The following CNTRL variants were observed in gnomAD, a reference collection of about 807,000 sequenced individuals.
CNTRL encodes the protein centriolin, also known as 110 kDa centrosomal protein.
Under a neutral mutation model 303.7 loss-of-function variants are expected in CNTRL, and 233 were observed. The observed-to-expected ratio is 0.77, with a 90% CI of 0.69 to 0.86. The LOEUF is 0.86. Among genes scored for constraint, CNTRL ranks in the 40% least tolerant of loss-of-function variants. The probability of loss-of-function intolerance (pLI) is 0.00; values close to 1 mark genes in which losing one functional copy is unlikely to be tolerated. For synonymous variants in CNTRL, 900 were observed against 922.2 expected (o/e 0.98, Z 0.44); for missense variants, 2,524 against 2,650.6 (o/e 0.95, Z 1.05).
chr9:121,150,323 C>T lies in CNTRL; in HGVS notation c.3803C>T (p.Pro1268Leu), dbSNP rs758101080. The T allele has an allele frequency of 6.2e-7, 1 of 1,614,182 alleles. No homozygotes were observed. The highest frequency in any genetic ancestry group is 1.7e-5 in the Admixed American group (1 of 60,038). Residue 1268 changes from proline to leucine, a missense_variant, in exon 25 of 44, where the codon CCC (proline) becomes CTC (leucine). Physicochemically the swap from Pro to Leu is moderately conservative, Grantham distance 98 (BLOSUM62 -3). Coordinates refer to ENST00000373855, the MANE Select transcript of CNTRL (RefSeq NM_007018.6). ...ATGGCCCTGTATGCACCACCTCCTC[C>T]CTTGCCAAACAATAGCCGACCTCTC... ...QGMALYAPPP[P>L]LPNNSRPLTP...
rs1345614397 is a variant in CNTRL at position 121,080,441 on chromosome 9, G to C, written c.-69G>C. ...TCCTCTGGAGTAACTGGGACTGCAAGTATACATACCGTGCCTGACGAAATA... is the reference window on the plus strand; with the variant it reads ...TCCTCTGGAGTAACTGGGACTGCAACTATACATACCGTGCCTGACGAAATA... On this transcript the variant is annotated 5_prime_UTR_variant, in exon 2 of 44. Coordinates refer to ENST00000373855, the MANE Select transcript of CNTRL (RefSeq NM_007018.6). The C allele has an allele frequency of 6.6e-6, 1 of 152,190 alleles. No individual in the cohort carries two copies. The allele number at this position is 152,190 out of a possible 1,614,324, so 9.4% of individuals were successfully genotyped here.
At chr9:121,084,281 G>A (rs1191221260) in intron 2 of CNTRL, among the ~76,000 whole-genome samples, 1 of 152,120 alleles carries the variant, frequency 6.6e-6, no homozygotes, top group Non-Finnish European at 1.5e-5. Flanking sequence ...AAGAACAACT[G>A]TGTATCATGA....
intron 39 of CNTRL, 122 bp downstream of exon 39, chr9:121,169,938 G>A (rs2053238414): frequency 1.3e-6 from 1 of 789,244 alleles, no homozygotes; most frequent in African/African-American, 1.7e-5. Flanking sequence ...CCCAGCTGTT[G>A]TTATTGATGT....
chr9:121,098,354 A>G (rs1214776797), intron 6 of CNTRL, 32 bp from the exon 7 acceptor site: 2 of 1,433,004 alleles, frequency 1.4e-6, no homozygotes, highest in Non-Finnish European at 1.9e-6. Context: ...TTTAAATTAA[A>G]TTATACCAAT....
At position 121,159,031 on chromosome 9, in the gene CNTRL, A is replaced by G. The variant is rs2052725438; in HGVS notation, c.4929+12A>G. ...GCAATCACATTAGGGTGTGTTTTTT[A>G]TTAGGGTTTTCTGAAGAGTCGTAGG... On this transcript the variant is annotated intron_variant, in intron 31 of 43. Transcript: ENST00000373855. The G allele has an allele frequency of 6.2e-7, 1 of 1,612,406 alleles. No homozygotes were observed. Among genetic ancestry groups the G allele is most frequent in the Non-Finnish European group, 8.5e-7 (1 of 1,179,124 alleles).
At chr9:121,163,360 TTATATATAGGACCATAAACA>T (rs2052945936) in intron 34 of CNTRL, among the ~76,000 whole-genome samples, 1 of 149,236 alleles carries the variant, frequency 6.7e-6, no homozygotes, top group South Asian at 2.1e-4. Context: ...TATTTTATAT[TTATATATAGGACCATAAACA>T]TATATGTAAA....
intron 8 of CNTRL, among the ~76,000 whole-genome samples, chr9:121,110,484 A>G (rs2049698374): frequency 1.3e-5 from 2 of 152,092 alleles, no homozygotes; most frequent in East Asian, 1.9e-4. Context: ...TAACTCTCCA[A>G]GTGACGGTAT....
At chr9:121,108,036 A>C (rs777458505) in intron 8 of CNTRL, 41 bp downstream of exon 8, 1 of 1,376,346 alleles carries the variant, frequency 7.3e-7, no homozygotes, top group Non-Finnish European at 9.8e-7. Context: ...TATTCTCATA[A>C]GACAGATAAT....
intron 8 of CNTRL, among the ~76,000 whole-genome samples, chr9:121,108,470 C>T (rs1308755363): frequency 6.6e-6 from 1 of 152,104 alleles, no homozygotes; most frequent in Non-Finnish European, 1.5e-5. Context: ...ACTGTAGTTG[C>T]CTAGTTTTCT....
chr9:121,077,588 G>A (rs1261606401), intron 1 of CNTRL, among the ~76,000 whole-genome samples: 2 of 152,146 alleles, frequency 1.3e-5, no homozygotes, highest in African/African-American at 4.8e-5. Flanking sequence ...TTACTAATCA[G>A]GAGAGGTAAT....
intron 1 of CNTRL, among the ~76,000 whole-genome samples, chr9:121,077,947 G>C (rs1465712241): frequency 2.0e-5 from 3 of 150,956 alleles, no homozygotes; most frequent in Admixed American, 2.0e-4. Context: ...CCTTGCCTCA[G>C]GGGGGAAAAA....
chr9:121,158,804 G>T, intron 30 of CNTRL, 51 bp from the exon 31 acceptor site: 1 of 1,543,620 alleles, frequency 6.5e-7, no homozygotes, highest in South Asian at 1.1e-5. Flanking sequence ...GGTTAGCACT[G>T]AGGGCTGTAT....
chr9:121,133,314 T>C (rs985944060), intron 14 of CNTRL, among the ~76,000 whole-genome samples: 4 of 152,230 alleles, frequency 2.6e-5, no homozygotes, highest in Non-Finnish European at 5.9e-5. Flanking sequence ...TCGAGCTTCC[T>C]GGCTGCTGTG....
intron 1 of CNTRL, among the ~76,000 whole-genome samples, chr9:121,079,160 A>C (rs1010723704): frequency 4.6e-5 from 7 of 152,336 alleles, no homozygotes; most frequent in African/African-American, 1.7e-4. Context: ...GTATTTCATA[A>C]TATTAAAATT....
chr9:121,114,758 T>G (rs1453592942), intron 10 of CNTRL, among the ~76,000 whole-genome samples: 2 of 152,170 alleles, frequency 1.3e-5, no homozygotes, highest in African/African-American at 4.8e-5. Context: ...TAATTATAAC[T>G]TAGTAACATG....
intron 7 of CNTRL, among the ~76,000 whole-genome samples, chr9:121,100,623 TAAAG>T (rs2049113263): frequency 6.6e-6 from 1 of 152,096 alleles, no homozygotes; most frequent in Non-Finnish European, 1.5e-5. Context: ...GCAAATTGGA[TAAAG>T]AGTCAAGACC....
At chr9:121,108,856 A>C (rs965208190) in intron 8 of CNTRL, among the ~76,000 whole-genome samples, 4 of 152,208 alleles carry the variant, frequency 2.6e-5, no homozygotes. Flanking sequence ...AACTGTATTT[A>C]GCAGAAATGA....
At position 121,090,724 on chromosome 9, in the gene CNTRL, GT is replaced by G. The variant is rs370179676; in HGVS notation, c.348+324del. Among the ~76,000 whole-genome samples, 325 of 152,308 alleles carry G rather than the reference GT, an allele frequency of 2.1e-3. 4 individuals are homozygous for G. Among genetic ancestry groups the G allele is most frequent in the African/African-American group, 7.2e-3 (298 of 41,560 alleles). On this transcript the variant is annotated intron_variant, in intron 4 of 43. Coordinates refer to ENST00000373855, the MANE Select transcript of CNTRL (RefSeq NM_007018.6). ...ATTTGTTTACATATTGTCTGTGGTT[GT>G]TTTTGCACTACAGTAGCAGAGCTTA...
In CNTRL at chr9:121,166,112, C is replaced by G; in HGVS notation, c.5587C>G (p.Arg1863Gly). The G allele has an allele frequency of 6.2e-7, 1 of 1,609,498 alleles. No homozygotes were observed. The highest frequency in any genetic ancestry group is 8.5e-7 in the Non-Finnish European group (1 of 1,177,622). ...TGAGAATGTCATTTCTTTAGAAAAA[C>G]GAGAAGCAGTAAACTCACTGCAGGA... is the stretch of plus-strand genomic sequence containing the variant. ...SAMQQQLQEK[R>G]EAVNSLQEEL... Residue 1863 changes from arginine (R) to glycine (G), a missense_variant, in exon 36 of 44, where the codon CGA becomes GGA. Physicochemically the swap from Arg to Gly is moderately radical, Grantham distance 125. Coordinates refer to ENST00000373855, the MANE Select transcript of CNTRL (RefSeq NM_007018.6).
Sources: allele counts gnomAD v4.1 joint callset (sites outside exome capture counted in the v4.1 genomes callset), GRCh38; gene constraint gnomAD v4.1.1; transcripts MANE v1.5; gene names NCBI Gene and HGNC (gene_info 2026-07-23, HGNC 2026-07-21).